LTA4H: variants seen among roughly 807,000 people sequenced by gnomAD.
LTA4H encodes the protein leukotriene A-4 hydrolase.
A neutral mutation model predicts 89.8 loss-of-function variants in LTA4H; 59 were observed. The ratio of observed to expected loss-of-function variants is 0.66; its 90% confidence interval spans 0.53 to 0.82. LTA4H has a LOEUF of 0.82. LTA4H is among the 40% of genes least tolerant of loss of function. The pLI is 0.00. For missense variants in LTA4H, 617 were observed against 727.0 expected (o/e 0.85, Z 1.74); for synonymous variants, 227 against 253.1 (o/e 0.90, Z 0.98).
intron 2 of LTA4H, 42 bp downstream of exon 2, chr12:96,029,013 C>G: frequency 6.8e-7 from 1 of 1,468,540 alleles, no homozygotes; most frequent in Non-Finnish European, 9.1e-7. Context: ...ATATGTTTCC[C>G]CATTATTTAG....
At chr12:96,043,383 A>C (rs1323881002) in exon 1 of LTA4H, 1 of 1,503,394 alleles carries the variant, frequency 6.7e-7, no homozygotes, top group South Asian at 1.2e-5. Flanking sequence ...CATGGGAGAC[A>C]GATTAGAGGA....
intron 4 of LTA4H, among the ~76,000 whole-genome samples, chr12:96,023,466 T>C (rs1259947884): frequency 1.3e-5 from 2 of 152,052 alleles, no homozygotes; most frequent in Admixed American, 6.5e-5. Context: ...TCTTCCCACC[T>C]CAGCCTCCCA....
rs1179963004 is a variant in LTA4H at position 96,002,793 on chromosome 12, A to G, written c.1718+167T>C. ...TAATGCTTCTAAAAAGAGGAATGAA[A>G]TTATTTCACATTTTAAATATTTATA... is the stretch of plus-strand genomic sequence containing the variant. On this transcript the variant is annotated intron_variant, in intron 18 of 18. Transcript: ENST00000228740. Among the ~76,000 whole-genome samples the G allele has an allele frequency of 3.9e-5, 6 of 152,228 alleles. No individual in the cohort carries two copies. In the East Asian group the frequency reaches 1.2e-3, roughly 29 times the overall value.
rs144738499 is a variant in LTA4H at position 96,027,492 on chromosome 12, A to G, written c.363T>C (p.Pro121=). The G allele has an allele frequency of 4.6e-5, 74 of 1,612,378 alleles. No individual in the cohort carries two copies. Among genetic ancestry groups the G allele is most frequent in the Non-Finnish European group, 6.1e-5 (72 of 1,178,994 alleles). Residue 121 remains proline (P), a synonymous_variant, in exon 3 of 19, where the codon CCT becomes CCC. Transcript: ENST00000228740. ...GGTGTTCCTTCCCAGAAGTCTGTTC[A>G]GGAGTGAGCCACTGGAGAGCAGAAG... ...PKSSALQWLT[P]EQTSGKEHPY...
chr12:96,028,995 A>G, intron 2 of LTA4H, 60 bp downstream of exon 2: 1 of 1,364,006 alleles, frequency 7.3e-7, no homozygotes, highest in South Asian at 1.6e-5. Context: ...TATTTAAATT[A>G]GTTAAGAATA....
intron 3 of LTA4H, 58 bp downstream of exon 3, chr12:96,027,386 A>T: frequency 6.6e-7 from 1 of 1,508,042 alleles, no homozygotes; most frequent in Non-Finnish European, 8.9e-7. Flanking sequence ...ATTTTGCTTC[A>T]TTCAACCATA....
chr12:96,018,464 G>T (rs1015658264), intron 8 of LTA4H, among the ~76,000 whole-genome samples: 1 of 152,048 alleles, frequency 6.6e-6, no homozygotes, highest in East Asian at 1.9e-4. Context: ...CAGGAGAATC[G>T]CTTGAACCCG....
upstream of LTA4H, among the ~76,000 whole-genome samples, chr12:96,035,878 T>G (rs1950636984): frequency 6.6e-6 from 1 of 152,134 alleles, no homozygotes; most frequent in South Asian, 2.1e-4. Flanking sequence ...AACTGAACAC[T>G]ACCATTTTGG....
intron 10 of LTA4H, among the ~76,000 whole-genome samples, chr12:96,016,318 A>T (rs1950373739): frequency 6.9e-6 from 1 of 145,182 alleles, no homozygotes; most frequent in Admixed American, 6.9e-5. Context: ...AAAAAAAAAA[A>T]AATCCTTGTT....
intron 17 of LTA4H, 70 bp downstream of exon 17, chr12:96,003,768 C>A: frequency 9.7e-7 from 1 of 1,035,500 alleles, no homozygotes; most frequent in Non-Finnish European, 1.5e-6. Context: ...ACTCTGCATT[C>A]CCTTTCTCCA....
intron 5 of LTA4H, among the ~76,000 whole-genome samples, chr12:96,021,735 G>T (rs2136900992): frequency 6.6e-6 from 1 of 151,852 alleles, no homozygotes; most frequent in East Asian, 1.9e-4. Flanking sequence ...TTCACTGAAG[G>T]TCAAAGATAC....
At position 96,015,623 on chromosome 12, in the gene LTA4H, T is replaced by C; in HGVS notation, c.1019A>G (p.His340Arg). 6.2e-7 allele frequency: 1 copy of C among 1,614,126 alleles called. No individual in the cohort carries two copies. Among genetic ancestry groups the C allele is most frequent in the Non-Finnish European group, 8.5e-7 (1 of 1,179,974 alleles). The change falls in exon 11 of 19, where the codon CAT (histidine) becomes CGT (arginine). Residue 340 changes from histidine (H) to arginine (R), a missense_variant. Physicochemically the swap from His to Arg is conservative, Grantham distance 29 (BLOSUM62 0). Transcript: ENST00000228740. ...TCCCCATCCTCCCAGAGCATTAAAATGTCTGAACTTTTCACCAAACAATCG... is the reference window on the plus strand; with the variant it reads ...TCCCCATCCTCCCAGAGCATTAAAACGTCTGAACTTTTCACCAAACAATCG... Reference protein sequence around the residue: ...CGRLFGEKFRHFNALGGWGEL... With the variant: ...CGRLFGEKFRRFNALGGWGEL...
At chr12:96,034,557 A>G (rs1950614298) in intron 1 of LTA4H, among the ~76,000 whole-genome samples, 2 of 152,238 alleles carry the variant, frequency 1.3e-5, no homozygotes, top group Non-Finnish European at 2.9e-5. Flanking sequence ...AGAAAATTTG[A>G]ACGTCCCATC....
In LTA4H at chr12:96,043,255, C is replaced by T. The variant is rs1036065274; in HGVS notation, c.87+34G>A. ...TAGGCAGGGACTCGACTTGAAAGAA[C>T]CTCACATGCCTTGAGAAGGAGCTTG... On this transcript the variant is annotated intron_variant, in intron 1 of 17. Transcript: ENST00000413268. 4.8e-6 allele frequency: 7 copies of T among 1,458,248 alleles called. No homozygotes were observed. The Admixed American group carries it at 9.8e-5, about 20-fold the overall frequency. The allele number at this position is 1,458,248 out of a possible 1,614,324, so 90.3% of individuals were successfully genotyped here.
intron 8 of LTA4H, 85 bp downstream of exon 8, chr12:96,018,676 CAT>C: frequency 1.1e-6 from 1 of 895,338 alleles, no homozygotes; most frequent in Non-Finnish European, 1.6e-6. Flanking sequence ...AGGTTCTTTA[CAT>C]ATATATACAT....
At chr12:96,006,492 T>C in intron 15 of LTA4H, 83 bp from the exon 16 acceptor site, 1 of 719,958 alleles carries the variant, frequency 1.4e-6, no homozygotes. Flanking sequence ...AAGTAAAAAT[T>C]GAGAAAAAGA....
rs1950463197 is a variant in LTA4H at position 96,022,355 on chromosome 12, A to G, written c.481-104T>C. ...TTCTTCCCATTCTTGACTATCTAAT[A>G]AACAGACTATGAACACAAAAAGTAT... On this transcript the variant is annotated intron_variant, in intron 4 of 18. Coordinates refer to ENST00000228740, the MANE Select transcript of LTA4H (RefSeq NM_000895.3). This position sits in a 1 kb window ranked among gnomAD's most constrained non-coding sequence, Gnocchi z 4.0. 3 of 715,784 alleles carry G rather than the reference A, an allele frequency of 4.2e-6. No individual in the cohort carries two copies. In the East Asian group the frequency reaches 8.1e-5, roughly 19 times the overall value. 44.3% of individuals were successfully genotyped at this position (715,784 alleles called of 1,614,324 possible).
intron 15 of LTA4H, among the ~76,000 whole-genome samples, chr12:96,008,678 C>T (rs1285386730): frequency 6.6e-6 from 1 of 152,052 alleles, no homozygotes; most frequent in Non-Finnish European, 1.5e-5. Flanking sequence ...AATTCCAGCA[C>T]TTTGGGAGGC....
chr12:96,022,268 A>G lies in LTA4H; in HGVS notation c.481-17T>C. On this transcript the variant is annotated splice_polypyrimidine_tract_variant and intron_variant, in intron 4 of 18. Transcript: ENST00000228740. The surrounding 1 kb of genome is among the most constrained non-coding windows in gnomAD (Gnocchi z 4.0). ...GACAGACACCTAATCAAGGAGAAAA[A>G]TCATTTCTAGTCATAAATAAAAGCT... The G allele has an allele frequency of 6.6e-7, 1 of 1,512,516 alleles. No homozygotes were observed. The highest frequency in any genetic ancestry group is 1.1e-5 in the South Asian group (1 of 87,730). The allele number at this position is 1,512,516 out of a possible 1,614,324, so 93.7% of individuals were successfully genotyped here. A position where few individuals can be genotyped will look rare whatever the true frequency, so the allele number is the denominator to read the frequency against.
Sources: allele counts gnomAD v4.1 joint callset (sites outside exome capture counted in the v4.1 genomes callset), GRCh38; gene constraint gnomAD v4.1.1; non-coding constraint Gnocchi (gnomAD v3.1); transcripts MANE v1.5; gene names NCBI Gene and HGNC (gene_info 2026-07-23, HGNC 2026-07-21).